The following ACYP2 variants were observed in gnomAD, a reference collection of about 807,000 sequenced individuals.
ACYP2 encodes the protein acylphosphatase 2, also known as acylphosphatase-2.
A neutral mutation model predicts 11.2 loss-of-function variants in ACYP2; 12 were observed. That is an observed-to-expected ratio of 1.08 (90% CI 0.69 to 1.74). ACYP2 has a LOEUF of 1.74. Among genes scored for constraint, ACYP2 ranks in the 40% most tolerant of loss-of-function variants. The pLI is 0.00. For missense variants in ACYP2, 134 were observed against 101.9 expected, an observed-to-expected ratio of 1.31 and a Z score of -1.35; for synonymous variants, 43 against 32.2, an observed-to-expected ratio of 1.33 and a Z score of -1.13.
At chr2:54,078,606 T>C in intron 4 of ACYP2, among the ~76,000 whole-genome samples, 1 of 59,084 alleles carries the variant, frequency 1.7e-5, no homozygotes, top group East Asian at 1.7e-3. Context: ...TCAATAAGCT[T>C]TTTTTTTTTT....
chr2:54,033,018 T>C (rs148657165), intron 2 of ACYP2, among the ~76,000 whole-genome samples: 132 of 152,230 alleles, frequency 8.7e-4, no homozygotes, highest in African/African-American at 2.9e-3. Context: ...AACCATTGTA[T>C]GTACAGTGTT....
chr2:54,189,132 A>G (rs1372253110), intron 6 of ACYP2, among the ~76,000 whole-genome samples: 2 of 152,202 alleles, frequency 1.3e-5, no homozygotes, highest in African/African-American at 2.4e-5. Flanking sequence ...TAGTGAAGCA[A>G]ATTAACATAC....
At chr2:54,199,578 T>C (rs1684667372) in intron 6 of ACYP2, among the ~76,000 whole-genome samples, 1 of 152,218 alleles carries the variant, frequency 6.6e-6, no homozygotes, top group African/African-American at 2.4e-5. Context: ...TGGGGTTAGA[T>C]GGTATTACCA....
intron 4 of ACYP2, among the ~76,000 whole-genome samples, chr2:54,120,753 T>A (rs1680101866): frequency 6.6e-6 from 1 of 152,136 alleles, no homozygotes; most frequent in South Asian, 2.1e-4. Flanking sequence ...CCGCAGCTGG[T>A]CCAGGGGTGC....
chr2:54,109,415 G>T (rs545260011), intron 4 of ACYP2, among the ~76,000 whole-genome samples: 5 of 152,068 alleles, frequency 3.3e-5, no homozygotes, highest in Non-Finnish European at 7.4e-5. Flanking sequence ...CGGGGGAAAG[G>T]GTGGGAGGGG....
chr2:54,113,736 G>A (rs1429467322), intron 4 of ACYP2, among the ~76,000 whole-genome samples: 1 of 152,162 alleles, frequency 6.6e-6, no homozygotes, highest in African/African-American at 2.4e-5. Context: ...ATTCCAGATA[G>A]AGTAGACCCA....
intron 6 of ACYP2, among the ~76,000 whole-genome samples, chr2:54,208,862 AT>A (rs778813354): frequency 2.0e-5 from 3 of 151,924 alleles, no homozygotes; most frequent in Admixed American, 6.6e-5. Context: ...CAATTGTGTG[AT>A]TGTGTGTGTG....
chr2:54,092,719 A>G (rs932947149), intron 4 of ACYP2, among the ~76,000 whole-genome samples: 9 of 152,150 alleles, frequency 5.9e-5, no homozygotes, highest in African/African-American at 2.2e-4. Context: ...CAGGGTAGCT[A>G]ATTTCAAATG....
chr2:54,250,876 T>A (rs2104007518), intron 6 of ACYP2, among the ~76,000 whole-genome samples: 1 of 152,328 alleles, frequency 6.6e-6, no homozygotes, highest in Admixed American at 6.5e-5. Context: ...TAGGTATTGT[T>A]TGAAATTGTT....
intron 4 of ACYP2, among the ~76,000 whole-genome samples, chr2:54,129,678 T>C (rs112498360): frequency 8.0e-5 from 12 of 149,566 alleles, no homozygotes; most frequent in African/African-American, 2.9e-4. Flanking sequence ...GTGTATTATA[T>C]ATTCAGTCAT....
chr2:54,041,784 A>G (rs1214471183), intron 2 of ACYP2, among the ~76,000 whole-genome samples: 1 of 146,892 alleles, frequency 6.8e-6, no homozygotes, highest in African/African-American at 2.4e-5. Context: ...TTGTTTCCCC[A>G]CTTAGAATGC....
At chr2:54,214,167 A>G (rs1482775683) in intron 6 of ACYP2, among the ~76,000 whole-genome samples, 2 of 152,206 alleles carry the variant, frequency 1.3e-5, no homozygotes, top group East Asian at 1.9e-4. Flanking sequence ...TAATTTGCAA[A>G]TATTTTCTTC....
chr2:54,255,178 G>C (rs996457673), intron 6 of ACYP2: 2 of 1,614,022 alleles, frequency 1.2e-6, no homozygotes, highest in Non-Finnish European at 1.7e-6. Context: ...GATTAGAGTG[G>C]AAAAAGACAC....
intron 6 of ACYP2, among the ~76,000 whole-genome samples, chr2:54,195,850 T>G (rs1179339442): frequency 7.4e-6 from 1 of 135,350 alleles, no homozygotes; most frequent in Non-Finnish European, 1.5e-5. Context: ...TAGGCTAGAG[T>G]GCAATGGCGC....
intron 2 of ACYP2, chr2:54,050,917 G>A (rs1397604412): frequency 2.5e-6 from 1 of 403,540 alleles, no homozygotes; most frequent in Admixed American, 4.3e-5. Flanking sequence ...TGAGACTACA[G>A]GTGTGCACCC....
chr2:54,142,048 T>A (rs1681638439), intron 6 of ACYP2: 1 of 404,478 alleles, frequency 2.5e-6, no homozygotes. Context: ...GTTGTTGTTG[T>A]TGCTTTGTAG....
intron 6 of ACYP2, among the ~76,000 whole-genome samples, chr2:54,221,181 G>C (rs1253778635): frequency 6.6e-6 from 1 of 152,082 alleles, no homozygotes; most frequent in African/African-American, 2.4e-5. Flanking sequence ...CCTATAGCCT[G>C]AACCAAGCCA....
intron 6 of ACYP2, among the ~76,000 whole-genome samples, chr2:54,197,723 T>C (rs962467583): frequency 1.3e-5 from 2 of 152,062 alleles, no homozygotes; most frequent in African/African-American, 4.8e-5. Flanking sequence ...CTTTGAGGAA[T>C]AAGTAGAAGG....
At chr2:54,304,069 G>C (rs1001663988) in intron 6 of ACYP2, among the ~76,000 whole-genome samples, 1 of 152,108 alleles carries the variant, frequency 6.6e-6, no homozygotes, top group African/African-American at 2.4e-5. Flanking sequence ...CATTCAACTT[G>C]TCCTTTAATG....
Sources: gnomAD v4.1 joint callset for allele counts (sites outside exome capture counted in the v4.1 genomes callset) on GRCh38, gnomAD v4.1.1 for gene constraint, MANE v1.5 for transcripts, NCBI Gene and HGNC (gene_info 2026-07-23, HGNC 2026-07-21) for gene names.